Variants in PRDM16 observed in about 807,000 individuals in gnomAD.
PRDM16 encodes the protein PR/SET domain 16.
PRDM16 carries 23 observed loss-of-function variants against 110.6 expected under a neutral mutation model. The ratio of observed to expected loss-of-function variants is 0.21; its 90% CI spans 0.15 to 0.29. The LOEUF is 0.29. PRDM16 is among the 10% of genes least tolerant of loss of function. The probability of loss-of-function intolerance (pLI) is 1.00; values close to 1 mark genes in which losing one functional copy is unlikely to be tolerated. For synonymous variants in PRDM16, 799 were observed against 781.8 expected, an observed-to-expected ratio of 1.02 and a Z score of -0.37; for missense variants, 1,615 against 1,794.3, an observed-to-expected ratio of 0.90 and a Z score of 1.81.
chr1:3,153,658 T>G (rs570899359), intron 1 of PRDM16, among the ~76,000 whole-genome samples: 1 of 152,342 alleles, frequency 6.6e-6, no homozygotes, highest in South Asian at 2.1e-4. Context: ...GAAAAGGCAG[T>G]CCTGTTTGGA....
intron 2 of PRDM16, among the ~76,000 whole-genome samples, chr1:3,239,678 G>A (rs1404359805): frequency 6.6e-6 from 1 of 152,236 alleles, no homozygotes; most frequent in African/African-American, 2.4e-5. Flanking sequence ...ACCAGCCACA[G>A]TGGCTCACGC....
rs1643497803 is a variant in PRDM16, at chr1:3,402,929, G to A, written c.815G>A (p.Gly272Asp). Residue 272 changes from glycine to aspartate, a missense_variant, in exon 6 of 17, where the codon GGC becomes GAC. Gly to Asp is a moderately conservative substitution (Grantham distance 94). Around this residue, in one of 5 missense-constraint regions of PRDM16, gnomAD observed 416 missense variants for 467.1 expected, o/e 0.89. Transcript: ENST00000270722. ...EGLAEELKPE[G>D]LGGGSGQAHE... ...CTGGCTGAGGAGCTCAAGCCCGAGG[G>A]CCTTGGCGGTGGCAGCGGCCAAGCC... 6.2e-7 allele frequency: 1 copy of A among 1,612,656 alleles called. No individual in the cohort carries two copies.
chr1:3,406,081 G>A (rs1643556959), intron 8 of PRDM16, among the ~76,000 whole-genome samples: 1 of 152,230 alleles, frequency 6.6e-6, no homozygotes, highest in Admixed American at 6.5e-5. Context: ...CACTGGGATT[G>A]TCAGGGCGGT....
chr1:3,402,723 A>G, intron 5 of PRDM16, 68 bp from the exon 6 acceptor site: 1 of 1,432,780 alleles, frequency 7.0e-7, no homozygotes, highest in Non-Finnish European at 9.7e-7. Context: ...CCAGGTCTCC[A>G]GAGTCCCCTG....
chr1:3,147,434 T>G (rs1643697832), intron 1 of PRDM16, among the ~76,000 whole-genome samples: 1 of 152,082 alleles, frequency 6.6e-6, no homozygotes, highest in Non-Finnish European at 1.5e-5. Context: ...TCCGACCAGG[T>G]GCCCTGGGCA....
At chr1:3,271,044 C>T (rs114966554) in intron 3 of PRDM16, among the ~76,000 whole-genome samples, 4,177 of 152,272 alleles carry the variant, frequency 0.027, 70 homozygotes, top group Middle Eastern at 0.075. Context: ...CTGCCACGCT[C>T]CTCCCAGTCC....
intron 2 of PRDM16, among the ~76,000 whole-genome samples, chr1:3,233,340 C>G (rs531454339): frequency 6.6e-6 from 1 of 152,130 alleles, no homozygotes; most frequent in East Asian, 1.9e-4. Flanking sequence ...AGATGTGAGT[C>G]GGGACAGCCA....
chr1:3,249,474 C>T (rs1425415206), intron 3 of PRDM16, among the ~76,000 whole-genome samples: 4 of 151,940 alleles, frequency 2.6e-5, no homozygotes, highest in Admixed American at 2.6e-4. Context: ...TACCAGCCAG[C>T]CAGCAACACA....
At chr1:3,432,479 C>G (rs1300739406) in intron 16 of PRDM16, among the ~76,000 whole-genome samples, 1 of 152,218 alleles carries the variant, frequency 6.6e-6, no homozygotes, top group African/African-American at 2.4e-5. Context: ...CCTCTCTGAT[C>G]TGGGCCCCAG....
intron 4 of PRDM16, among the ~76,000 whole-genome samples, chr1:3,388,778 T>C (rs1013545372): frequency 2.0e-5 from 3 of 152,188 alleles, no homozygotes; most frequent in African/African-American, 7.2e-5. Flanking sequence ...ACCCACACTT[T>C]AGGGGCACTT....
At chr1:3,107,701 A>C (rs1890336) in intron 1 of PRDM16, among the ~76,000 whole-genome samples, 81,494 of 151,952 alleles carry the variant, frequency 0.54, 23,419 homozygotes, top group East Asian at 0.82. Context: ...TGGACCAGTG[A>C]CTCGAAACCA....
chr1:3,359,532 T>C lies in PRDM16; in HGVS notation c.439-25620T>C, dbSNP rs946824182. Reference sequence around the variant, plus strand: ...TGGCTGCAGCCTCCCGAGGTGAGCCTGTCTGCACCATCTGCATCGCATCTC... The same window carrying C: ...TGGCTGCAGCCTCCCGAGGTGAGCCCGTCTGCACCATCTGCATCGCATCTC... On this transcript the variant is annotated intron_variant, in intron 3 of 16. Transcript: ENST00000270722. This position sits in a 1 kb window ranked among gnomAD's most constrained non-coding sequence, Gnocchi z 4.3. Among the ~76,000 whole-genome samples, 16 of 152,260 alleles carry C rather than the reference T, an allele frequency of 1.1e-4. No individual in the cohort carries two copies. The highest frequency in any genetic ancestry group is 3.6e-4 in the African/African-American group (15 of 41,572).
At chr1:3,432,904 T>C (rs1174787300) in intron 16 of PRDM16, among the ~76,000 whole-genome samples, 3 of 152,190 alleles carry the variant, frequency 2.0e-5, no homozygotes, top group Non-Finnish European at 4.4e-5. Context: ...GGATGTCCCA[T>C]GAACTAACGC....
At chr1:3,355,760 G>A (rs138132832) in intron 3 of PRDM16, among the ~76,000 whole-genome samples, 91 of 152,308 alleles carry the variant, frequency 6.0e-4, no homozygotes, top group African/African-American at 2.0e-3. Context: ...ACCGTTCAGG[G>A]GTTGCGGTCC....
intron 3 of PRDM16, among the ~76,000 whole-genome samples, chr1:3,357,800 G>T (rs575451153): frequency 6.6e-6 from 1 of 152,366 alleles, no homozygotes; most frequent in Non-Finnish European, 1.5e-5. Flanking sequence ...ACCTCTGGGG[G>T]TGCTGCTGGC....
chr1:3,403,738 A>C (rs1305587532), intron 6 of PRDM16, among the ~76,000 whole-genome samples: 2 of 152,202 alleles, frequency 1.3e-5, no homozygotes, highest in Admixed American at 6.5e-5. Context: ...CAGTGCTGTA[A>C]GGAGCTATGG....
chr1:3,239,527 AC>A (rs1639613677), intron 2 of PRDM16, among the ~76,000 whole-genome samples: 1 of 151,312 alleles, frequency 6.6e-6, no homozygotes, highest in South Asian at 2.1e-4. Flanking sequence ...GACAACCCTG[AC>A]CCCCCGACTC....
At chr1:3,284,228 A>G (rs554502244) in intron 3 of PRDM16, among the ~76,000 whole-genome samples, 3 of 152,380 alleles carry the variant, frequency 2.0e-5, no homozygotes, top group Admixed American at 2.0e-4. Context: ...TAAGCGTCCC[A>G]GGTTCCCCAG....
chr1:3,306,159 A>G (rs1290440823), intron 3 of PRDM16, among the ~76,000 whole-genome samples: 1 of 152,216 alleles, frequency 6.6e-6, no homozygotes. Flanking sequence ...GAGTTAGCCA[A>G]GGGCCATCAG....
Sources: allele counts gnomAD v4.1 joint callset (sites outside exome capture counted in the v4.1 genomes callset), GRCh38; gene constraint gnomAD v4.1.1; regional missense constraint gnomAD v4.1.1; non-coding constraint Gnocchi (gnomAD v3.1); transcripts MANE v1.5; gene names NCBI Gene and HGNC (gene_info 2026-07-23, HGNC 2026-07-21).